Variants in HCRTR1 observed in about 807,000 individuals in gnomAD.
The protein encoded by HCRTR1 is hypocretin receptor 1, also known as orexin/Hypocretin receptor type 1.
HCRTR1 carries 28 observed loss-of-function variants against 40.6 expected under a neutral mutation model. The observed-to-expected ratio is 0.69, with a 90% CI of 0.51 to 0.95. The LOEUF (loss-of-function observed/expected upper bound fraction) is 0.95, where lower values mean the gene tolerates loss of function less well. HCRTR1 is among the 40% of genes least tolerant of loss of function. The pLI, the probability that HCRTR1 is intolerant of heterozygous loss-of-function variation, is 0.00. For missense variants in HCRTR1, 482 were observed against 564.7 expected (o/e 0.85, Z 1.48); for synonymous variants, 209 against 230.0 (o/e 0.91, Z 0.83).
rs1360765846 is a variant in HCRTR1 at position 31,627,070 on chromosome 1, A to C, written c.*90A>C. On this transcript the variant is annotated 3_prime_UTR_variant, in exon 9 of 9. Coordinates refer to ENST00000403528, the MANE Select transcript of HCRTR1 (RefSeq NM_001525.3). ...GGATGTGGTGAAAGGCTGTGGCTTC[A>C]GTCCTGGGTTTCTGCCTGTGTGACT... 1 of 1,522,686 alleles carries C rather than the reference A, an allele frequency of 6.6e-7. No individual in the cohort carries two copies. The highest frequency in any genetic ancestry group is 8.8e-7 in the Non-Finnish European group (1 of 1,138,898). 94.3% of individuals were successfully genotyped at this position (1,522,686 alleles called of 1,614,324 possible). A position where few individuals can be genotyped will look rare whatever the true frequency, so the allele number is the denominator to read the frequency against.
chr1:31,632,778 C>G, downstream of HCRTR1: 1 of 1,004,864 alleles, frequency 1.0e-6, no homozygotes. Flanking sequence ...GCCCAGATGC[C>G]TGCACCTGAG....
chr1:31,627,979 C>T (rs1052583263), downstream of HCRTR1, among the ~76,000 whole-genome samples: 2 of 152,186 alleles, frequency 1.3e-5, no homozygotes. Flanking sequence ...TCTATGAACT[C>T]ACAGGATAAA....
intron 7 of HCRTR1, 69 bp from the exon 8 acceptor site, chr1:31,624,928 G>A: frequency 1.4e-6 from 2 of 1,477,770 alleles, no homozygotes; most frequent in East Asian, 2.5e-5. Flanking sequence ...CAGGTTCTGT[G>A]AGCAGCACTC....
intron 4 of HCRTR1, 122 bp from the exon 5 acceptor site, chr1:31,620,721 G>GC (rs1360761152): frequency 7.0e-6 from 9 of 1,278,908 alleles, no homozygotes; most frequent in Non-Finnish European, 9.8e-6. Context: ...CATTTACACA[G>GC]CCAGTAAGTG....
In HCRTR1 at chr1:31,626,682, G is replaced by A. The variant is rs537470887; in HGVS notation, c.1088-108G>A. On this transcript the variant is annotated intron_variant, in intron 8 of 8. Transcript: ENST00000403528. The surrounding 1 kb of genome is among the most constrained non-coding windows in gnomAD (Gnocchi z 4.6). ...CAGCTCTATCCCTCCCTCCCTCCCCGCCCCCTCATAGGCAGCTTGGCTGGA... is the reference window on the plus strand; with the variant it reads ...CAGCTCTATCCCTCCCTCCCTCCCCACCCCCTCATAGGCAGCTTGGCTGGA... 62 of 265,078 alleles carry A rather than the reference G, an allele frequency of 2.3e-4. 1 individual carries two copies. The highest frequency in any genetic ancestry group is 2.0e-3 in the East Asian group (21 of 10,492). The allele number at this position is 265,078 out of a possible 1,614,324, so 16.4% of individuals were successfully genotyped here. A position where few individuals can be genotyped will look rare whatever the true frequency, so the allele number is the denominator to read the frequency against.
At chr1:31,628,132 G>C (rs539452100), downstream of HCRTR1, among the ~76,000 whole-genome samples, 65 of 152,298 alleles carry the variant, frequency 4.3e-4, no homozygotes, top group South Asian at 0.012. Flanking sequence ...AGGGACATCT[G>C]GCAGGGGCCA....
downstream of HCRTR1, among the ~76,000 whole-genome samples, chr1:31,631,258 A>C (rs1310340306): frequency 1.3e-5 from 2 of 152,252 alleles, no homozygotes; most frequent in Non-Finnish European, 2.9e-5. Flanking sequence ...GCCACTGGGC[A>C]AGTTGCTTAG....
chr1:31,626,669 TC>T lies in HCRTR1; in HGVS notation c.1088-118del. On this transcript the variant is annotated intron_variant, in intron 8 of 8. Coordinates refer to ENST00000403528, the MANE Select transcript of HCRTR1 (RefSeq NM_001525.3). This position sits in a 1 kb window ranked among gnomAD's most constrained non-coding sequence, Gnocchi z 4.6. ...GGGCTCTCCCTCCCAGCTCTATCCC[TC>T]CCTCCCTCCCCGCCCCCTCATAGGC... The T allele has an allele frequency of 2.5e-6, 1 of 394,112 alleles. No homozygotes were observed. Among genetic ancestry groups the T allele is most frequent in the Non-Finnish European group, 5.1e-6 (1 of 196,622 alleles). The allele number at this position is 394,112 out of a possible 1,614,324, so 24.4% of individuals were successfully genotyped here. A position where few individuals can be genotyped will look rare whatever the true frequency, so the allele number is the denominator to read the frequency against.
chr1:31,624,882 A>G, intron 7 of HCRTR1, 115 bp from the exon 8 acceptor site: 5 of 1,147,656 alleles, frequency 4.4e-6, no homozygotes, highest in Non-Finnish European at 5.9e-6. Flanking sequence ...AAACGTGGAC[A>G]GAAGTGGGCA....
chr1:31,633,340 C>A (rs778161160), downstream of HCRTR1: 4 of 1,589,434 alleles, frequency 2.5e-6, no homozygotes, highest in Non-Finnish European at 3.4e-6. Flanking sequence ...TGAAGGCCAT[C>A]AACAGAAATG....
chr1:31,631,445 T>A (rs192824063), downstream of HCRTR1, among the ~76,000 whole-genome samples: 124 of 152,310 alleles, frequency 8.1e-4, 2 homozygotes, highest in Non-Finnish European at 7.9e-4. Flanking sequence ...TCTTGGAGCA[T>A]CCTGTCTCTT....
In HCRTR1 at chr1:31,620,957, A is replaced by G; in HGVS notation, c.493A>G (p.Ile165Val). ...KSTARRARGS[I>V]LGIWAVSLAI... ...CACAGCCCGGCGGGCCCGTGGCTCC[A>G]TCCTGGGCATCTGGGCTGTGTCGCT... is the stretch of plus-strand genomic sequence containing the variant. The change falls in exon 5 of 9, where the codon ATC becomes GTC. Residue 165 changes from isoleucine (I) to valine (V), a missense_variant. Ile to Val is a conservative substitution (Grantham distance 29). Transcript: ENST00000403528. The G allele has an allele frequency of 6.2e-7, 1 of 1,614,050 alleles. No homozygotes were observed. Among genetic ancestry groups the G allele is most frequent in the Non-Finnish European group, 8.5e-7 (1 of 1,180,014 alleles).
downstream of HCRTR1, among the ~76,000 whole-genome samples, chr1:31,631,489 A>G (rs928685600): frequency 6.6e-6 from 1 of 152,040 alleles, no homozygotes; most frequent in African/African-American, 2.4e-5. Flanking sequence ...TCTGTTCAGA[A>G]CTTACCAGGC....
chr1:31,618,855 C>G, intron 2 of HCRTR1, 39 bp downstream of exon 2: 1 of 342,296 alleles, frequency 2.9e-6, no homozygotes. Context: ...GATGGGGAAA[C>G]CAAGGCTGAA....
chr1:31,631,532 C>T (rs184899869), downstream of HCRTR1, among the ~76,000 whole-genome samples: 13 of 152,248 alleles, frequency 8.5e-5, no homozygotes, highest in Admixed American at 2.6e-4. Context: ...ATTTGTTATG[C>T]GGGCCCTTGG....
Position 31,623,597 on chromosome 1 carries a change from C to T in HCRTR1, c.813C>T (p.Gly271=). The change falls in exon 7 of 9, where the codon GGC becomes GGT. Residue 271 remains glycine, a synonymous_variant. Transcript: ENST00000403528. ...ACCAGCTGGGGGACCTGGAGCAGGG[C>T]CTGAGTGGAGAGCCCCAGCCCCGGG... The part of the protein sequence containing the change: ...PSDQLGDLEQ[G]LSGEPQPRAR... 1 of 1,613,644 alleles carries T rather than the reference C, an allele frequency of 6.2e-7. No individual in the cohort carries two copies. Among genetic ancestry groups the T allele is most frequent in the Non-Finnish European group, 8.5e-7 (1 of 1,179,996 alleles).
Position 31,619,546 on chromosome 1 carries a change from T to TG in HCRTR1, c.216dup (p.Arg73AlafsTer20). 2 of 1,614,078 alleles carry TG rather than the reference T, an allele frequency of 1.2e-6. No individual in the cohort carries two copies. Among genetic ancestry groups the TG allele is most frequent in the Non-Finnish European group, 1.7e-6 (2 of 1,180,002 alleles). The stretch of plus-strand genomic sequence containing the variant: ...GCACCCTGCAGTCTGCCTGGCCGTG[T>TG]GGCGGAACCACCACATGAGGACAGT... On this transcript the variant is annotated frameshift_variant, in exon 4 of 9. Coordinates refer to ENST00000403528, the MANE Select transcript of HCRTR1 (RefSeq NM_001525.3). LOFTEE classifies it high-confidence loss of function.
At chr1:31,621,795 C>T (rs1639863421) in intron 6 of HCRTR1, among the ~76,000 whole-genome samples, 1 of 152,234 alleles carries the variant, frequency 6.6e-6, no homozygotes. Context: ...GTAACACGTC[C>T]TTCTATTAGT....
In HCRTR1 at chr1:31,626,839, C is replaced by T; in HGVS notation, c.1137C>T (p.Gly379=). 1 of 1,614,138 alleles carries T rather than the reference C, an allele frequency of 6.2e-7. No individual in the cohort carries two copies. The highest frequency in any genetic ancestry group is 8.5e-7 in the Non-Finnish European group (1 of 1,180,034). ...CTGCCTTCTCCTGCTGCCTGCCTGG[C>T]CTGGGTCCCTGCGGCTCTCTGAAGG... The part of the protein sequence containing the change: ...FKAAFSCCLP[G]LGPCGSLKAP... Residue 379 remains glycine, a synonymous_variant, in exon 9 of 9, where the codon GGC becomes GGT. Transcript: ENST00000403528. The surrounding 1 kb of genome is among the most constrained non-coding windows in gnomAD (Gnocchi z 4.6).
Sources: allele counts gnomAD v4.1 joint callset (sites outside exome capture counted in the v4.1 genomes callset), GRCh38; gene constraint gnomAD v4.1.1; non-coding constraint Gnocchi (gnomAD v3.1); transcripts MANE v1.5; gene names NCBI Gene and HGNC (gene_info 2026-07-23, HGNC 2026-07-21).